The following PKHD1 variants were observed in gnomAD, a reference collection of about 807,000 sequenced individuals.
The protein encoded by PKHD1 is PKHD1 ciliary IPT domain containing fibrocystin/polyductin.
A neutral mutation model predicts 412.0 loss-of-function variants in PKHD1; 291 were observed. That is an observed-to-expected ratio of 0.71 (90% CI 0.64 to 0.78). The LOEUF is 0.78. PKHD1 is among the 30% of genes least tolerant of loss of function. PKHD1 has a pLI of 0.00. For missense variants in PKHD1, 4,825 were observed against 4,950.7 expected, an observed-to-expected ratio of 0.97 and a Z score of 0.76; for synonymous variants, 1,777 against 1,821.5, an observed-to-expected ratio of 0.98 and a Z score of 0.62.
In PKHD1 at chr6:51,749,582, G is replaced by A. The variant is rs144070160; in HGVS notation, c.8951-917C>T. Among the ~76,000 whole-genome samples the A allele has an allele frequency of 7.9e-5, 12 of 152,166 alleles. No individual in the cohort carries two copies. The South Asian group carries it at 8.3e-4, about 11-fold the overall frequency. Reference sequence around the variant, plus strand: ...ATAACACTCATTATTTGCAGACACCGTTCTAATTCTTATTCATTTATTTAT... The same window carrying A: ...ATAACACTCATTATTTGCAGACACCATTCTAATTCTTATTCATTTATTTAT... On this transcript the variant is annotated intron_variant, in intron 57 of 66. Coordinates refer to ENST00000371117, the MANE Select transcript of PKHD1 (RefSeq NM_138694.4).
intron 27 of PKHD1, among the ~76,000 whole-genome samples, chr6:52,041,057 T>A (rs879821159): frequency 2.6e-5 from 4 of 152,224 alleles, no homozygotes; most frequent in Non-Finnish European, 4.4e-5. Flanking sequence ...AGTCCGTACC[T>A]TAAAGAAGAC....
At chr6:51,764,118 A>T (rs1413214355) in intron 55 of PKHD1, among the ~76,000 whole-genome samples, 1 of 111,716 alleles carries the variant, frequency 9.0e-6, no homozygotes. Context: ...ACCCCACCAC[A>T]GTCCCCAGAG....
intron 53 of PKHD1, among the ~76,000 whole-genome samples, chr6:51,790,985 C>T (rs1793643482): frequency 6.6e-6 from 1 of 152,068 alleles, no homozygotes; most frequent in Admixed American, 6.6e-5. Flanking sequence ...AAAAATCACC[C>T]TGGAATGAGC....
chr6:51,634,590 T>A (rs905698196), intron 64 of PKHD1, among the ~76,000 whole-genome samples: 1 of 152,188 alleles, frequency 6.6e-6, no homozygotes, highest in Non-Finnish European at 1.5e-5. Flanking sequence ...AAGATACACA[T>A]AACAAACATT....
chr6:51,800,200 A>G lies in PKHD1; in HGVS notation c.8303-8827T>C, dbSNP rs541703125. ...ACACCCTTTAACCACTTGTTCATCC[A>G]TCAAGCACTAAACACCACCATCTTT... On this transcript the variant is annotated intron_variant, in intron 52 of 66. Coordinates refer to ENST00000371117, the MANE Select transcript of PKHD1 (RefSeq NM_138694.4). 9.3e-4 allele frequency among the ~76,000 whole-genome samples: 141 copies of G among 152,298 alleles called. 1 individual carries two copies. Among genetic ancestry groups the G allele is most frequent in the Non-Finnish European group, 1.7e-3 (114 of 68,026 alleles).
intron 36 of PKHD1, among the ~76,000 whole-genome samples, chr6:51,937,698 G>A (rs1266897): frequency 0.7 from 107,084 of 152,122 alleles, 38,189 homozygotes; most frequent in East Asian, 0.94. Flanking sequence ...GACACACCCC[G>A]CATAGGTATC....
intron 64 of PKHD1, among the ~76,000 whole-genome samples, chr6:51,637,880 G>C (rs1037784371): frequency 6.6e-5 from 10 of 151,932 alleles, no homozygotes; most frequent in African/African-American, 2.4e-4. Flanking sequence ...CTCCAGCCTG[G>C]GTGACAGAGT....
At chr6:51,920,430 A>C (rs2127707288) in intron 37 of PKHD1, among the ~76,000 whole-genome samples, 1 of 152,256 alleles carries the variant, frequency 6.6e-6, no homozygotes, top group South Asian at 2.1e-4. Flanking sequence ...GATTACATTT[A>C]TTGATTTGCG....
chr6:51,924,436 T>A (rs1161102901), intron 37 of PKHD1, among the ~76,000 whole-genome samples: 1 of 152,192 alleles, frequency 6.6e-6, no homozygotes, highest in Non-Finnish European at 1.5e-5. Context: ...ATGCTATAAA[T>A]TTCGGACTTT....
chr6:52,024,190 ATACT>A (rs1801805832), intron 32 of PKHD1, among the ~76,000 whole-genome samples: 3 of 152,238 alleles, frequency 2.0e-5, no homozygotes, highest in Admixed American at 6.5e-5. Flanking sequence ...AAATTTAATC[ATACT>A]TAATAAATTT....
At chr6:52,079,770 T>C (rs1811788165) in intron 5 of PKHD1, 130 bp downstream of exon 5, 1 of 762,628 alleles carries the variant, frequency 1.3e-6, no homozygotes, top group South Asian at 1.4e-5. Context: ...AGAAACTCTG[T>C]CATTACCATC....
At chr6:51,802,443 T>C (rs1427695569) in intron 52 of PKHD1, among the ~76,000 whole-genome samples, 2 of 151,518 alleles carry the variant, frequency 1.3e-5, no homozygotes, top group Non-Finnish European at 2.9e-5. Context: ...TCTCCAATCC[T>C]GTAGTGAATA....
chr6:51,769,219 T>C (rs964001961), intron 55 of PKHD1, among the ~76,000 whole-genome samples: 1 of 151,634 alleles, frequency 6.6e-6, no homozygotes, highest in South Asian at 2.1e-4. Context: ...GAATAGATTA[T>C]ATAACATAGG....
chr6:52,025,520 A>G lies in PKHD1; in HGVS notation c.4290T>C (p.Thr1430=), dbSNP rs373579694. 1.2e-6 allele frequency: 2 copies of G among 1,614,024 alleles called. No homozygotes were observed. The highest frequency in any genetic ancestry group is 1.7e-6 in the Non-Finnish European group (2 of 1,179,898). Residue 1430 remains threonine, a synonymous_variant, in exon 32 of 67, where the codon ACT becomes ACC. Coordinates refer to ENST00000371117, the MANE Select transcript of PKHD1 (RefSeq NM_138694.4). Reference sequence around the variant, plus strand: ...GGTCTCCCAAACTCAAAATCACACAAGTAAAAGGACCCGAGAGGTCAACCC... The same window carrying G: ...GGTCTCCCAAACTCAAAATCACACAGGTAAAAGGACCCGAGAGGTCAACCC... ...SVRVDLSGPF[T]CVILSLGDHT...
intron 18 of PKHD1, among the ~76,000 whole-genome samples, chr6:52,056,123 T>A (rs1280365535): frequency 6.6e-6 from 1 of 152,152 alleles, no homozygotes; most frequent in East Asian, 1.9e-4. Flanking sequence ...GCTTGAAAGC[T>A]CCAGCTATAA....
At chr6:52,057,134 A>C (rs1807885488) in intron 16 of PKHD1, among the ~76,000 whole-genome samples, 155 bp from the exon 17 acceptor site, 1 of 152,242 alleles carries the variant, frequency 6.6e-6, no homozygotes, top group South Asian at 2.1e-4. Flanking sequence ...TCTGAGGAAC[A>C]CAGCATCATT....
intron 37 of PKHD1, among the ~76,000 whole-genome samples, chr6:51,913,269 G>T (rs1583336403): frequency 6.6e-6 from 1 of 152,042 alleles, no homozygotes; most frequent in East Asian, 1.9e-4. Flanking sequence ...TGTATTAAAT[G>T]ATCCCTTCAA....
chr6:51,901,376 T>C lies in PKHD1; in HGVS notation c.6996+2221A>G, dbSNP rs373433579. Among the ~76,000 whole-genome samples, 9 of 152,276 alleles carry C rather than the reference T, an allele frequency of 5.9e-5. No individual in the cohort carries two copies. In the East Asian group the frequency reaches 1.4e-3, roughly 23 times the overall value. On this transcript the variant is annotated intron_variant, in intron 43 of 66. Transcript: ENST00000371117. ...TGAGTTCATGTCCTTTGTAGGGACA[T>C]GGATGAAATTGGAAATCATCATTCT...
intron 60 of PKHD1, among the ~76,000 whole-genome samples, chr6:51,661,226 C>T (rs1481031117): frequency 6.6e-6 from 1 of 151,390 alleles, no homozygotes; most frequent in Admixed American, 6.6e-5. Flanking sequence ...GCCTCAGGAA[C>T]CAGAAATATA....
Sources: gnomAD v4.1 joint callset for allele counts (sites outside exome capture counted in the v4.1 genomes callset) on GRCh38, gnomAD v4.1.1 for gene constraint, MANE v1.5 for transcripts, NCBI Gene and HGNC (gene_info 2026-07-23, HGNC 2026-07-21) for gene names.